PLCE1: variants seen among roughly 807,000 people sequenced by gnomAD.
The protein encoded by PLCE1 is phospholipase C epsilon 1, also known as 1-phosphatidylinositol 4,5-bisphosphate phosphodiesterase epsilon-1.
PLCE1 carries 119 observed loss-of-function variants against 242.8 expected under a neutral mutation model. The ratio of observed to expected loss-of-function variants is 0.49; its 90% CI spans 0.42 to 0.57. The LOEUF is 0.57. Among genes scored for constraint, PLCE1 ranks in the 20% least tolerant of loss-of-function variants. PLCE1 has a pLI of 0.00. For missense variants in PLCE1, 2,441 were observed against 2,788.8 expected (o/e 0.88, Z 2.81); for synonymous variants, 945 against 1,017.4 (o/e 0.93, Z 1.35).
chr10:94,312,818 CTCTT>C (rs1439705604), intron 27 of PLCE1, among the ~76,000 whole-genome samples: 3 of 152,170 alleles, frequency 2.0e-5, no homozygotes, highest in Admixed American at 6.5e-5. Flanking sequence ...ACTTACCGAC[CTCTT>C]TCTAACAGAT....
chr10:94,074,299 A>G (rs1308968323), intron 2 of PLCE1, among the ~76,000 whole-genome samples: 1 of 149,934 alleles, frequency 6.7e-6, no homozygotes, highest in Non-Finnish European at 1.5e-5. Flanking sequence ...CTCAAGTGAT[A>G]CTCCCAACAT....
intron 6 of PLCE1, among the ~76,000 whole-genome samples, chr10:94,235,308 C>T (rs1186129541): frequency 2.6e-5 from 4 of 152,084 alleles, no homozygotes; most frequent in African/African-American, 9.7e-5. Flanking sequence ...GGAAGACTCC[C>T]GGGCCACACC....
intron 19 of PLCE1, chr10:94,279,474 G>A (rs2052108721): frequency 2.4e-6 from 1 of 414,022 alleles, no homozygotes; most frequent in South Asian, 2.6e-5. Flanking sequence ...ATTGATGCTG[G>A]TTCTCCAAAT....
At chr10:94,193,439 C>T (rs2048729154) in intron 4 of PLCE1, among the ~76,000 whole-genome samples, 1 of 152,166 alleles carries the variant, frequency 6.6e-6, no homozygotes, top group Non-Finnish European at 1.5e-5. Context: ...AAGTTTGTGG[C>T]AGAAGGGATA....
At chr10:94,228,406 A>G (rs777608738) in intron 5 of PLCE1, among the ~76,000 whole-genome samples, 1 of 152,226 alleles carries the variant, frequency 6.6e-6, no homozygotes, top group Non-Finnish European at 1.5e-5. Context: ...AGCCTCAGTT[A>G]CTTTGTCTGC....
intron 4 of PLCE1, among the ~76,000 whole-genome samples, chr10:94,204,258 G>T (rs150574310): frequency 1.3e-5 from 2 of 152,254 alleles, no homozygotes; most frequent in East Asian, 3.9e-4. Context: ...AAAAAGAAAA[G>T]GAGTTGGAGG....
chr10:94,210,320 AC>A (rs1321039877), intron 4 of PLCE1, among the ~76,000 whole-genome samples: 1 of 151,940 alleles, frequency 6.6e-6, no homozygotes. Flanking sequence ...CCCTTTCTCT[AC>A]AAAAAAAGCA....
chr10:94,024,644 C>T (rs2134413229), intron 1 of PLCE1, among the ~76,000 whole-genome samples: 1 of 152,214 alleles, frequency 6.6e-6, no homozygotes, highest in African/African-American at 2.4e-5. Context: ...AGGCAGTTAA[C>T]TGATAAATTA....
chr10:94,171,612 A>G lies in PLCE1; in HGVS notation c.1809+116A>G, dbSNP rs556614761. The G allele has an allele frequency of 1.8e-4, 148 of 834,948 alleles. 3 individuals are homozygous for G. In the South Asian group the frequency reaches 2.0e-3, roughly 11 times the overall value. The allele number at this position is 834,948 out of a possible 1,614,324, so 51.7% of individuals were successfully genotyped here. A position where few individuals can be genotyped will look rare whatever the true frequency, so the allele number is the denominator to read the frequency against. ...TGTGTTCATTTCATTCTGTCTTGCC[A>G]CTTCCATGATGGCTGTTTTTCTTTC... On this transcript the variant is annotated intron_variant, in intron 4 of 32. Transcript: ENST00000371380.
intron 2 of PLCE1, among the ~76,000 whole-genome samples, chr10:94,129,579 G>T (rs1391834777): frequency 6.6e-6 from 1 of 152,190 alleles, no homozygotes; most frequent in East Asian, 1.9e-4. Flanking sequence ...ATGGAGGCCT[G>T]ATGTGGAGAC....
At chr10:94,216,079 A>G (rs1340684923) in intron 4 of PLCE1, among the ~76,000 whole-genome samples, 1 of 152,206 alleles carries the variant, frequency 6.6e-6, no homozygotes, top group Non-Finnish European at 1.5e-5. Context: ...TAGGCAAGTG[A>G]TTGCTTCAAT....
chr10:94,059,814 C>G (rs936121115), intron 2 of PLCE1, among the ~76,000 whole-genome samples: 7 of 152,044 alleles, frequency 4.6e-5, no homozygotes, highest in African/African-American at 1.7e-4. Flanking sequence ...TTTTCTAGCC[C>G]CATTCTATTT....
rs1030969242 is a variant in PLCE1, at chr10:94,234,133, G to A, written c.2035G>A (p.Ala679Thr). The change falls in exon 6 of 33, where the codon GCC becomes ACC. Residue 679 changes from alanine to threonine, a missense_variant. Physicochemically the swap from Ala to Thr is moderately conservative, Grantham distance 58. Around this residue, in one of 5 missense-constraint regions of PLCE1, gnomAD observed 733 missense variants for 754.2 expected, o/e 0.97. Transcript: ENST00000371380. ...ETMRSLKDAMAQHESSCEYRK... is the reference protein window; with the variant it reads ...ETMRSLKDAMTQHESSCEYRK... Reference sequence around the variant, plus strand: ...CATGAGGAGCCTGAAGGATGCTATGGCCCAGCATGAGTCCTCTTGTGAGTA... The same window carrying A: ...CATGAGGAGCCTGAAGGATGCTATGACCCAGCATGAGTCCTCTTGTGAGTA... The A allele has an allele frequency of 6.2e-7, 1 of 1,613,872 alleles. No homozygotes were observed. The highest frequency in any genetic ancestry group is 1.3e-5 in the African/African-American group (1 of 75,040).
chr10:94,265,583 TG>T, intron 14 of PLCE1, 63 bp from the exon 15 acceptor site: 1 of 1,305,116 alleles, frequency 7.7e-7, no homozygotes, highest in Non-Finnish European at 1.1e-6. Context: ...AATGATGTGG[TG>T]GTTTCTTTCC....
chr10:94,325,302 A>G lies in PLCE1; in HGVS notation c.*24+198A>G, dbSNP rs2053969800. 5.6e-5 allele frequency: 30 copies of G among 531,200 alleles called. No individual in the cohort carries two copies. The South Asian group carries it at 5.9e-4, about 10-fold the overall frequency. 32.9% of individuals were successfully genotyped at this position (531,200 alleles called of 1,614,324 possible). A position where few individuals can be genotyped will look rare whatever the true frequency, so the allele number is the denominator to read the frequency against. On this transcript the variant is annotated intron_variant, in intron 32 of 32. Coordinates refer to ENST00000371380, the MANE Select transcript of PLCE1 (RefSeq NM_016341.4). ...ATATGCTATTGAACACCGCCTATAA[A>G]GAAAAAGGGAAAGAGGCTGGGCGTG...
chr10:94,013,279 A>C (rs1297366256), intron 1 of PLCE1, among the ~76,000 whole-genome samples: 2 of 152,166 alleles, frequency 1.3e-5, no homozygotes, highest in Admixed American at 6.5e-5. Flanking sequence ...TTTAGATTCC[A>C]GACAAATCTC....
intron 27 of PLCE1, among the ~76,000 whole-genome samples, chr10:94,310,045 C>T (rs1461932235): frequency 6.6e-6 from 1 of 152,200 alleles, no homozygotes; most frequent in East Asian, 1.9e-4. Flanking sequence ...ATTTTTAAAA[C>T]AACTACTTTA....
chr10:94,306,591 C>T lies in PLCE1; in HGVS notation c.5787C>T (p.His1929=). The part of the protein sequence containing the change: ...MWNEQFLFHV[H]FEDLVFLRFA... ...ACGAGCAGTTTCTGTTCCACGTTCA[C>T]TTCGAAGATCTTGTATTTCTTCGTT... The change falls in exon 26 of 33, where the codon CAC becomes CAT. Residue 1929 remains histidine, a synonymous_variant. Coordinates refer to ENST00000371380, the MANE Select transcript of PLCE1 (RefSeq NM_016341.4). The surrounding 1 kb of genome is among the most constrained non-coding windows in gnomAD (Gnocchi z 5.7). The T allele has an allele frequency of 1.2e-6, 2 of 1,614,076 alleles. No homozygotes were observed. Among genetic ancestry groups the T allele is most frequent in the Non-Finnish European group, 1.7e-6 (2 of 1,179,916 alleles).
intron 24 of PLCE1, 34 bp from the exon 25 acceptor site, chr10:94,304,448 G>A (rs1445187518): frequency 1.9e-6 from 3 of 1,593,870 alleles, no homozygotes; most frequent in Admixed American, 1.7e-5. Context: ...AAAGTAACAA[G>A]CTATATTGGC....
Sources: allele counts gnomAD v4.1 joint callset (sites outside exome capture counted in the v4.1 genomes callset), GRCh38; gene constraint gnomAD v4.1.1; regional missense constraint gnomAD v4.1.1; non-coding constraint Gnocchi (gnomAD v3.1); transcripts MANE v1.5; gene names NCBI Gene and HGNC (gene_info 2026-07-23, HGNC 2026-07-21).